CRYBA4: variants seen among roughly 807,000 people sequenced by gnomAD.
CRYBA4 encodes crystallin beta A4.
A neutral mutation model predicts 31.7 loss-of-function variants in CRYBA4; 30 were observed. That is an observed-to-expected ratio of 0.95 (90% CI 0.71 to 1.28). CRYBA4 has a LOEUF of 1.28. CRYBA4 is among the 50% of genes most tolerant of loss of function. The pLI, the probability that CRYBA4 is intolerant of heterozygous loss-of-function variation, is 0.00. For synonymous variants in CRYBA4, 102 were observed against 102.3 expected, an observed-to-expected ratio of 1.00 and a Z score of 0.02; for missense variants, 225 against 260.7, an observed-to-expected ratio of 0.86 and a Z score of 0.94.
Position 26,628,572 on chromosome 22 carries a change from C to A in CRYBA4, c.443+142C>A, listed in dbSNP as rs969327626. ...AGAACACTGAGGCACAGGGAGGTAT[C>A]AGGCAGAATTTGAGGGACTGAAACC... On this transcript the variant is annotated intron_variant, in intron 5 of 5. Coordinates refer to ENST00000354760, the MANE Select transcript of CRYBA4 (RefSeq NM_001886.3). 7 of 1,002,196 alleles carry A rather than the reference C, an allele frequency of 7.0e-6. No individual in the cohort carries two copies. The East Asian group carries it at 1.5e-4, about 22-fold the overall frequency. The allele number at this position is 1,002,196 out of a possible 1,614,324, so 62.1% of individuals were successfully genotyped here. A position where few individuals can be genotyped will look rare whatever the true frequency, so the allele number is the denominator to read the frequency against.
chr22:26,623,191 G>A, intron 2 of CRYBA4, 43 bp from the exon 3 acceptor site: 1 of 1,532,926 alleles, frequency 6.5e-7, no homozygotes, highest in Non-Finnish European at 9.0e-7. Flanking sequence ...ACCCTTCACG[G>A]GACTCTGATG....
the CRYBA4 span, chr22:26,616,215 G>A: frequency 1.9e-5 from 31 of 1,614,018 alleles, no homozygotes; most frequent in Non-Finnish European, 2.5e-5. Flanking sequence ...GGGTAGTGCC[G>A]GGACTAGGGG....
At chr22:26,591,466 C>CA in the CRYBA4 span, among the ~76,000 whole-genome samples, 60,507 of 112,148 alleles carry the variant, frequency 0.54, 16,062 homozygotes, top group East Asian at 0.58. Context: ...GACTCTGTCT[C>CA]AAAAAAAAAA....
the CRYBA4 span, among the ~76,000 whole-genome samples, chr22:26,602,605 TA>T: frequency 2.0e-5 from 3 of 149,394 alleles, no homozygotes; most frequent in Non-Finnish European, 3.0e-5. Context: ...AAAAAAAAAG[TA>T]TTTATTATTT....
At position 26,630,382 on chromosome 22, in the gene CRYBA4, T is replaced by C. The variant is rs773380398; in HGVS notation, c.486T>C (p.Tyr162=). Residue 162 remains tyrosine, a synonymous_variant, in exon 6 of 6, where the codon TAT becomes TAC. Coordinates refer to ENST00000354760, the MANE Select transcript of CRYBA4 (RefSeq NM_001886.3). Reference sequence around the variant, plus strand: ...TTCCGGGCTACCGAGGATTTCAGTATGTGCTGGAATGCGATCACCATTCCG... The same window carrying C: ...TTCCGGGCTACCGAGGATTTCAGTACGTGCTGGAATGCGATCACCATTCCG... ...SQFPGYRGFQ[Y]VLECDHHSGD... 5 of 1,614,260 alleles carry C rather than the reference T, an allele frequency of 3.1e-6. No homozygotes were observed. In the South Asian group the frequency reaches 3.3e-5, roughly 11 times the overall value.
intron 1 of CRYBA4, 61 bp from the exon 2 acceptor site, chr22:26,622,524 C>A: frequency 6.9e-7 from 1 of 1,455,414 alleles, no homozygotes; most frequent in Non-Finnish European, 9.7e-7. Flanking sequence ...AGCCAGCCAT[C>A]TGCATAAAGA....
upstream of CRYBA4, among the ~76,000 whole-genome samples, chr22:26,617,440 C>T (rs1929392936): frequency 6.6e-6 from 1 of 152,200 alleles, no homozygotes; most frequent in Non-Finnish European, 1.5e-5. Flanking sequence ...CCAGCCTCCT[C>T]CAGGAAGGCT....
chr22:26,596,280 A>T, the CRYBA4 span, among the ~76,000 whole-genome samples: 10 of 152,066 alleles, frequency 6.6e-5, no homozygotes, highest in African/African-American at 2.4e-4. Context: ...TATTTTTAAT[A>T]GAGATGGGGC....
chr22:26,603,125 CAAAAAAA>C, the CRYBA4 span, among the ~76,000 whole-genome samples: 1 of 69,352 alleles, frequency 1.4e-5, no homozygotes, highest in Non-Finnish European at 3.1e-5. Flanking sequence ...GACTCCGTCT[CAAAAAAA>C]AAAAAAAAAA....
Position 26,625,565 on chromosome 22 carries a change from C to A in CRYBA4, c.243C>A (p.Gly81=), listed in dbSNP as rs745630849. The A allele has an allele frequency of 1.2e-6, 2 of 1,613,906 alleles. No individual in the cohort carries two copies. Among genetic ancestry groups the A allele is most frequent in the East Asian group, 2.2e-5 (1 of 44,878 alleles). The change falls in exon 4 of 6, where the codon GGC becomes GGA. Residue 81 remains glycine, a synonymous_variant. Transcript: ENST00000354760. Reference sequence around the variant, plus strand: ...AATATCCAAGCTGGGATGCCTGGGGCGGCAACACGGCCTACCCCGCCGAGA... The same window carrying A: ...AATATCCAAGCTGGGATGCCTGGGGAGGCAACACGGCCTACCCCGCCGAGA... ...RGEYPSWDAW[G]GNTAYPAERL...
chr22:26,619,213 A>C (rs941670974), upstream of CRYBA4, among the ~76,000 whole-genome samples: 3 of 152,120 alleles, frequency 2.0e-5, no homozygotes, highest in East Asian at 1.9e-4. Flanking sequence ...GTAACAGACA[A>C]AGAGAGAGGT....
At chr22:26,623,031 G>C (rs1255079654) in intron 2 of CRYBA4, among the ~76,000 whole-genome samples, 5 of 152,212 alleles carry the variant, frequency 3.3e-5, no homozygotes, top group Non-Finnish European at 7.3e-5. Flanking sequence ...ACCATTGGTG[G>C]CACTGGGAAG....
the CRYBA4 span, among the ~76,000 whole-genome samples, chr22:26,607,058 C>T: frequency 1.5e-4 from 22 of 145,700 alleles, no homozygotes; most frequent in African/African-American, 5.3e-4. Flanking sequence ...AGTCTGGCAC[C>T]GTCACCCCGG....
chr22:26,605,516 A>G, the CRYBA4 span, among the ~76,000 whole-genome samples: 1 of 152,032 alleles, frequency 6.6e-6, no homozygotes, highest in African/African-American at 2.4e-5. Context: ...TCTATAAAAA[A>G]TACAAAAATT....
chr22:26,612,058 C>T, the CRYBA4 span: 287 of 1,586,954 alleles, frequency 1.8e-4, no homozygotes, highest in Middle Eastern at 5.0e-4. Flanking sequence ...GCCCCTCCGC[C>T]GCCCAGTACT....
At chr22:26,590,242 T>C in the CRYBA4 span, 2 of 123,290 alleles carry the variant, frequency 1.6e-5, no homozygotes. Flanking sequence ...GACCGCGAGG[T>C]GAGCAGAGGC....
the CRYBA4 span, among the ~76,000 whole-genome samples, chr22:26,608,625 G>A: frequency 1.3e-5 from 2 of 152,248 alleles, no homozygotes; most frequent in East Asian, 3.9e-4. Flanking sequence ...TTTGTAAAAA[G>A]TGGTGTCAGG....
At chr22:26,590,549 G>A in the CRYBA4 span, among the ~76,000 whole-genome samples, 1 of 152,200 alleles carries the variant, frequency 6.6e-6, no homozygotes, top group Non-Finnish European at 1.5e-5. Context: ...TGGTTTTGGA[G>A]GGAGTTTTTG....
chr22:26,601,274 TG>T, the CRYBA4 span, among the ~76,000 whole-genome samples: 1 of 152,126 alleles, frequency 6.6e-6, no homozygotes, highest in African/African-American at 2.4e-5. Flanking sequence ...GGCCCTTCCA[TG>T]TATTCTCATG....
Sources: gnomAD v4.1 joint callset for allele counts (sites outside exome capture counted in the v4.1 genomes callset) on GRCh38, gnomAD v4.1.1 for gene constraint, MANE v1.5 for transcripts, NCBI Gene and HGNC (gene_info 2026-07-23, HGNC 2026-07-21) for gene names.